USP34: variants seen among roughly 807,000 people sequenced by gnomAD.
The protein encoded by USP34 is ubiquitin carboxyl-terminal hydrolase 34.
A neutral mutation model predicts 460.3 loss-of-function variants in USP34; 70 were observed. That is an observed-to-expected ratio of 0.15 (90% CI 0.13 to 0.19). The LOEUF is 0.19. Ranked by LOEUF, USP34 falls within the 10% of genes least tolerant of loss-of-function variation. The pLI, the probability that USP34 is intolerant of heterozygous loss-of-function variation, is 1.00. For missense variants in USP34, 3,985 were observed against 4,236.2 expected (o/e 0.94, Z 1.65); for synonymous variants, 1,647 against 1,405.3 (o/e 1.17, Z -3.85).
intron 37 of USP34, among the ~76,000 whole-genome samples, chr2:61,282,213 A>G (rs567110960): frequency 2.2e-4 from 34 of 152,164 alleles, no homozygotes; most frequent in Admixed American, 1.6e-3. Context: ...CTGGTCTTGC[A>G]TTCCTGACCT....
intron 48 of USP34, among the ~76,000 whole-genome samples, chr2:61,249,483 T>C (rs1688514426): frequency 6.6e-6 from 1 of 152,226 alleles, no homozygotes. Context: ...CTATGTAATA[T>C]TTTCAGACCT....
At chr2:61,261,043 G>A (rs533431648) in intron 43 of USP34, among the ~76,000 whole-genome samples, 3 of 152,266 alleles carry the variant, frequency 2.0e-5, no homozygotes, top group East Asian at 1.9e-4. Context: ...CAAGGACGTC[G>A]AGAAATTAAA....
intron 1 of USP34, among the ~76,000 whole-genome samples, chr2:61,456,327 ATCAAAG>A (rs1413539338): frequency 1.3e-5 from 2 of 152,194 alleles, no homozygotes. Context: ...GTTTAAACCA[ATCAAAG>A]TCCATCCTCT....
intron 5 of USP34, among the ~76,000 whole-genome samples, chr2:61,386,227 C>T (rs1300272779): frequency 6.6e-6 from 1 of 151,976 alleles, no homozygotes; most frequent in South Asian, 2.1e-4. Context: ...TTTTGGAGGC[C>T]AAGATGGAAG....
intron 1 of USP34, among the ~76,000 whole-genome samples, chr2:61,444,319 T>A (rs1695049370): frequency 6.6e-6 from 1 of 151,978 alleles, no homozygotes; most frequent in Non-Finnish European, 1.5e-5. Flanking sequence ...GAAATTAAAA[T>A]TGATAGATGG....
chr2:61,359,260 G>A (rs1046649195), intron 10 of USP34, among the ~76,000 whole-genome samples: 5 of 152,178 alleles, frequency 3.3e-5, no homozygotes, highest in Admixed American at 3.3e-4. Flanking sequence ...CAGTGGAGAA[G>A]AATGCAGATC....
At position 61,283,193 on chromosome 2, in the gene USP34, G is replaced by A. The variant is rs748706549; in HGVS notation, c.4950C>T (p.Ser1650=). 2.2e-5 allele frequency: 35 copies of A among 1,613,180 alleles called. No individual in the cohort carries two copies. Among genetic ancestry groups the A allele is most frequent in the East Asian group, 1.6e-4 (7 of 44,784 alleles). ...CSLVKSSLAD[S]DHLQDWLKKL... ...TCTTTAGCCAATCTTGTAAATGATC[G>A]CTATCAGCAAGGCTAGATTTCACTA... The change falls in exon 37 of 80, where the codon AGC becomes AGT. Residue 1650 remains serine (S), a synonymous_variant. Coordinates refer to ENST00000398571, the MANE Select transcript of USP34 (RefSeq NM_014709.4).
At chr2:61,316,438 A>G (rs1572928434) in intron 23 of USP34, among the ~76,000 whole-genome samples, 2 of 151,776 alleles carry the variant, frequency 1.3e-5, no homozygotes, top group East Asian at 3.9e-4. Flanking sequence ...TACAAAAATT[A>G]GCTGGGCGTG....
chr2:61,379,166 T>G (rs1332843624), intron 7 of USP34, among the ~76,000 whole-genome samples: 1 of 152,138 alleles, frequency 6.6e-6, no homozygotes, highest in African/African-American at 2.4e-5. Flanking sequence ...GGTACACAAG[T>G]AAACTCCACC....
At chr2:61,460,644 A>G (rs573203840) in intron 1 of USP34, among the ~76,000 whole-genome samples, 6 of 93,296 alleles carry the variant, frequency 6.4e-5, no homozygotes, top group Admixed American at 6.3e-4. Context: ...AATACTGTAT[A>G]CCCTTTTTCT....
intron 23 of USP34, among the ~76,000 whole-genome samples, chr2:61,316,190 T>C (rs1416568283): frequency 6.8e-6 from 1 of 146,556 alleles, no homozygotes; most frequent in African/African-American, 2.5e-5. Flanking sequence ...GTTATCAGAG[T>C]GATACTGAAG....
At chr2:61,370,774 G>T (rs931354864) in intron 8 of USP34, among the ~76,000 whole-genome samples, 195 bp from the exon 9 acceptor site, 15 of 152,016 alleles carry the variant, frequency 9.9e-5, no homozygotes, top group African/African-American at 3.6e-4. Context: ...CAAATTCCCT[G>T]AGTTTATAAA....
Position 61,319,304 on chromosome 2 carries a change from T to C in USP34, c.3037A>G (p.Ile1013Val), listed in dbSNP as rs1487952286. ...HFRLSLEQVD[I>V]LWHCLVEDSE... ...TCTTCTACTAAACAATGCCATAAGA[T>C]GTCAACTTGCTCTAAACTTAACCCT... The change falls in exon 22 of 80, where the codon ATC becomes GTC. Residue 1013 changes from isoleucine (I) to valine (V), a missense_variant. By Grantham distance (29) the Ile-to-Val change is conservative. Around this residue, in one of 14 missense-constraint regions of USP34, gnomAD observed 1,114 missense variants for 1,122.5 expected, o/e 0.99. Coordinates refer to ENST00000398571, the MANE Select transcript of USP34 (RefSeq NM_014709.4). 3.2e-6 allele frequency: 5 copies of C among 1,565,082 alleles called. No individual in the cohort carries two copies. Among genetic ancestry groups the C allele is most frequent in the African/African-American group, 1.4e-5 (1 of 72,386 alleles).
intron 15 of USP34, chr2:61,346,352 A>T (rs1437781145): frequency 8.1e-5 from 1 of 12,306 alleles, no homozygotes; most frequent in Non-Finnish European, 1.5e-4. Context: ...CTGTCTCTAT[A>T]AAAAAAAAAA....
intron 67 of USP34, among the ~76,000 whole-genome samples, chr2:61,219,186 G>C (rs1023157936): frequency 6.6e-6 from 1 of 152,106 alleles, no homozygotes; most frequent in Non-Finnish European, 1.5e-5. Flanking sequence ...TCTGGCTTTG[G>C]CCATTGGGAG....
intron 68 of USP34, among the ~76,000 whole-genome samples, chr2:61,213,579 T>C (rs1016000943): frequency 2.0e-5 from 3 of 152,210 alleles, no homozygotes; most frequent in South Asian, 4.1e-4. Context: ...TATATATGTA[T>C]CTCGATTGAT....
intron 10 of USP34, among the ~76,000 whole-genome samples, chr2:61,353,999 G>C (rs1692032507): frequency 6.6e-6 from 1 of 152,152 alleles, no homozygotes; most frequent in Non-Finnish European, 1.5e-5. Flanking sequence ...GAAGAAAAAT[G>C]AATAGCCTAA....
chr2:61,389,906 C>T (rs929793244), intron 5 of USP34, among the ~76,000 whole-genome samples: 2 of 151,760 alleles, frequency 1.3e-5, no homozygotes, highest in African/African-American at 2.4e-5. Flanking sequence ...AGAAAAACAG[C>T]GTTCTGCATC....
chr2:61,267,010 AC>A (rs1689068974), intron 41 of USP34, among the ~76,000 whole-genome samples: 1 of 152,150 alleles, frequency 6.6e-6, no homozygotes, highest in Admixed American at 6.6e-5. Context: ...CACATGAGCC[AC>A]CCTGTGATAA....
Sources: allele counts gnomAD v4.1 joint callset (sites outside exome capture counted in the v4.1 genomes callset), GRCh38; gene constraint gnomAD v4.1.1; regional missense constraint gnomAD v4.1.1; transcripts MANE v1.5; gene names NCBI Gene and HGNC (gene_info 2026-07-23, HGNC 2026-07-21).